RFC1: variants seen among roughly 807,000 people sequenced by gnomAD.
RFC1 encodes the protein A1 140 kDa subunit.
In RFC1, 37 loss-of-function variants were observed where a neutral mutation model predicts 137.4. The observed-to-expected ratio is 0.27, with a 90% CI of 0.21 to 0.35. The LOEUF is 0.35. Ranked by LOEUF, RFC1 falls within the 10% of genes least tolerant of loss-of-function variation. The pLI, the probability that RFC1 is intolerant of heterozygous loss-of-function variation, is 1.00. For missense variants in RFC1, 1,205 were observed against 1,358.5 expected (o/e 0.89, Z 1.78); for synonymous variants, 429 against 455.7 (o/e 0.94, Z 0.75).
At chr4:39,361,630 G>GA (rs1379875557) in intron 1 of RFC1, among the ~76,000 whole-genome samples, 2 of 152,128 alleles carry the variant, frequency 1.3e-5, no homozygotes, top group African/African-American at 4.8e-5. Flanking sequence ...CAATCTTACA[G>GA]AAAAACATAA....
intron 5 of RFC1, 86 bp downstream of exon 5, chr4:39,327,438 C>T: frequency 1.4e-6 from 1 of 696,712 alleles, no homozygotes; most frequent in South Asian, 2.6e-5. Context: ...AACATGTTGC[C>T]TATTTACTAC....
intron 6 of RFC1, among the ~76,000 whole-genome samples, chr4:39,326,224 A>T (rs765753621): frequency 6.6e-6 from 1 of 152,130 alleles, no homozygotes; most frequent in Non-Finnish European, 1.5e-5. Flanking sequence ...AAAAACTCCA[A>T]TGGTTTCCCA....
chr4:39,354,765 A>C (rs1741377049), intron 1 of RFC1, among the ~76,000 whole-genome samples: 1 of 150,660 alleles, frequency 6.6e-6, no homozygotes, highest in Non-Finnish European at 1.5e-5. Context: ...AAAAAAAAAA[A>C]AAAAAAAAGC....
intron 4 of RFC1, among the ~76,000 whole-genome samples, chr4:39,333,862 A>C (rs1740227936): frequency 6.6e-6 from 1 of 152,160 alleles, no homozygotes; most frequent in African/African-American, 2.4e-5. Context: ...TCTGAGAAAA[A>C]TTTAATTACA....
intron 22 of RFC1, among the ~76,000 whole-genome samples, chr4:39,294,054 C>T (rs1351031320): frequency 6.6e-6 from 1 of 152,126 alleles, no homozygotes; most frequent in Non-Finnish European, 1.5e-5. Flanking sequence ...ACAGATAATC[C>T]AGGAAAATCT....
In RFC1 at chr4:39,306,671, T is replaced by C. The variant is rs61748745; in HGVS notation, c.1916A>G (p.Asp639Gly). 2.8e-5 allele frequency: 45 copies of C among 1,613,664 alleles called. No individual in the cohort carries two copies. The highest frequency in any genetic ancestry group is 1.2e-4 in the Admixed American group (7 of 59,980). Residue 639 changes from aspartate (D) to glycine (G), a missense_variant, in exon 14 of 25, where the codon GAT (aspartate) becomes GGT (glycine). Asp to Gly is a moderately conservative substitution (Grantham distance 94). Transcript: ENST00000349703. ...AKFGKFSGKD[D>G]GSSFKAALLS... ...CAACGCTGCTTTAAAACTAGAGCCA[T>C]CATCTTTGCCGGAAAATTTACCAAA...
chr4:39,290,288 T>C (rs944421712), intron 23 of RFC1, among the ~76,000 whole-genome samples: 1 of 151,634 alleles, frequency 6.6e-6, no homozygotes, highest in East Asian at 1.9e-4. Flanking sequence ...TCCATGAGAA[T>C]CTTGAACCCA....
intron 21 of RFC1, among the ~76,000 whole-genome samples, chr4:39,298,307 CAAAA>C (rs55727769): frequency 9.0e-6 from 1 of 111,216 alleles, no homozygotes; most frequent in African/African-American, 3.2e-5. Context: ...GACCTTGTCT[CAAAA>C]AAAAAAAAAA....
intron 23 of RFC1, among the ~76,000 whole-genome samples, chr4:39,291,148 T>C (rs1001480078): frequency 1.3e-5 from 2 of 152,210 alleles, no homozygotes; most frequent in African/African-American, 2.4e-5. Flanking sequence ...ATCACTTTAG[T>C]TTTTTTCGTC....
chr4:39,291,156 G>A (rs866106270), intron 23 of RFC1, among the ~76,000 whole-genome samples: 5 of 151,938 alleles, frequency 3.3e-5, no homozygotes, highest in South Asian at 2.1e-4. Flanking sequence ...AGTTTTTTTC[G>A]TCTCATTATA....
intron 1 of RFC1, among the ~76,000 whole-genome samples, chr4:39,353,515 A>ATAC (rs1741317353): frequency 1.3e-5 from 2 of 152,098 alleles, no homozygotes; most frequent in African/African-American, 4.8e-5. Context: ...AGTTTAAAAG[A>ATAC]TACTGCTTAC....
At chr4:39,323,198 C>T (rs1234480885) in intron 7 of RFC1, 142 bp downstream of exon 7, 1 of 495,790 alleles carries the variant, frequency 2.0e-6, no homozygotes, top group Non-Finnish European at 3.3e-6. Flanking sequence ...TCTCAATGAG[C>T]TTCCCCAAAA....
intron 4 of RFC1, among the ~76,000 whole-genome samples, chr4:39,339,085 T>C (rs190463636): frequency 2.0e-5 from 3 of 152,194 alleles, no homozygotes; most frequent in East Asian, 1.9e-4. Context: ...GAATCTCCTT[T>C]TTTTTTTAAA....
intron 10 of RFC1, among the ~76,000 whole-genome samples, chr4:39,315,513 C>G (rs1481916171): frequency 1.3e-5 from 2 of 152,232 alleles, no homozygotes; most frequent in Non-Finnish European, 2.9e-5. Context: ...GTTCTGACTT[C>G]TGTTCTAAGC....
intron 4 of RFC1, among the ~76,000 whole-genome samples, chr4:39,337,275 G>A (rs1424090239): frequency 6.6e-6 from 1 of 152,014 alleles, no homozygotes; most frequent in Non-Finnish European, 1.5e-5. Flanking sequence ...TCAGAAGGCT[G>A]AGGCAGGAGA....
intron 21 of RFC1, among the ~76,000 whole-genome samples, chr4:39,298,746 C>T (rs1338055831): frequency 6.6e-6 from 1 of 152,170 alleles, no homozygotes; most frequent in African/African-American, 2.4e-5. Context: ...ACTTTTGATT[C>T]ACATCTTACA....
chr4:39,293,649 C>T (rs1282916330), intron 22 of RFC1, among the ~76,000 whole-genome samples: 3 of 151,888 alleles, frequency 2.0e-5, no homozygotes, highest in African/African-American at 7.3e-5. Context: ...AAATATGACC[C>T]AACTACTAGA....
chr4:39,350,368 GAT>G (rs1270439199), intron 2 of RFC1, among the ~76,000 whole-genome samples: 5 of 152,144 alleles, frequency 3.3e-5, no homozygotes, highest in Admixed American at 2.0e-4. Context: ...TTTGATAAAA[GAT>G]ATAAATTTAC....
In RFC1 at chr4:39,288,823, G is replaced by A. The variant is rs755561864; in HGVS notation, c.3382C>T (p.Pro1128Ser). The change falls in exon 25 of 25, where the codon CCT (proline) becomes TCT (serine). Residue 1128 changes from proline to serine, a missense_variant. Coordinates refer to ENST00000349703, the MANE Select transcript of RFC1 (RefSeq NM_002913.5). ...MIKKKTKSSKPSKPEKDKEPR... is the reference protein window; with the variant it reads ...MIKKKTKSSKSSKPEKDKEPR... Reference sequence around the variant, plus strand: ...TCCTTATCTTTTTCTGGTTTTGAAGGCTTTGAAGATTTTGTCTTTTTCTGT... The same window carrying A: ...TCCTTATCTTTTTCTGGTTTTGAAGACTTTGAAGATTTTGTCTTTTTCTGT... The A allele has an allele frequency of 1.6e-5, 25 of 1,610,130 alleles. No homozygotes were observed. In the East Asian group the frequency reaches 5.1e-4, roughly 33 times the overall value.
Sources: gnomAD v4.1 joint callset for allele counts (sites outside exome capture counted in the v4.1 genomes callset) on GRCh38, gnomAD v4.1.1 for gene constraint, MANE v1.5 for transcripts, NCBI Gene and HGNC (gene_info 2026-07-23, HGNC 2026-07-21) for gene names.